The following ARHGAP6 variants were observed in gnomAD, a reference collection of about 807,000 sequenced individuals.
The protein encoded by ARHGAP6 is Rho GTPase activating protein 6, also known as rho GTPase-activating protein 6.
A neutral mutation model predicts 55.7 loss-of-function variants in ARHGAP6; 16 were observed. That is an observed-to-expected ratio of 0.29 (90% CI 0.19 to 0.44). The LOEUF is 0.44. Ranked by LOEUF, ARHGAP6 falls within the 20% of genes least tolerant of loss-of-function variation. The pLI is 1.00. For synonymous variants in ARHGAP6, 382 were observed against 360.9 expected, an observed-to-expected ratio of 1.06 and a Z score of -0.66; for missense variants, 698 against 808.9, an observed-to-expected ratio of 0.86 and a Z score of 1.66.
At chrX:11,468,597 T>C (rs2050318581) in intron 1 of ARHGAP6, among the ~76,000 whole-genome samples, 1 of 112,712 alleles carries the variant, frequency 8.9e-6, no homozygotes, top group South Asian at 3.7e-4. Flanking sequence ...ATGGACATTG[T>C]TGGCAAAAAT....
intron 1 of ARHGAP6, among the ~76,000 whole-genome samples, chrX:11,531,324 G>A (rs2051046878): frequency 1.8e-5 from 2 of 111,785 alleles, no homozygotes; most frequent in African/African-American, 6.5e-5. Flanking sequence ...AGAATGGACA[G>A]AAGTAAGTTT....
chrX:11,220,849 A>G (rs2046959840), intron 2 of ARHGAP6, among the ~76,000 whole-genome samples: 1 of 109,363 alleles, frequency 9.1e-6, no homozygotes, highest in South Asian at 4.2e-4. Flanking sequence ...AATTGGATAA[A>G]GAGTCAAGAC....
chrX:11,361,124 G>A (rs2049004468), intron 1 of ARHGAP6, among the ~76,000 whole-genome samples: 1 of 108,799 alleles, frequency 9.2e-6, no homozygotes, highest in Non-Finnish European at 1.9e-5. Context: ...AGCTACCAAT[G>A]ACTTTCTTCA....
intron 7 of ARHGAP6, 42 bp downstream of exon 7, chrX:11,179,260 G>A (rs1184840057): frequency 8.8e-7 from 1 of 1,132,669 alleles, no homozygotes; most frequent in Non-Finnish European, 1.2e-6. Flanking sequence ...GGACATCTTA[G>A]TATTCCAGGG....
At chrX:11,231,843 A>AACAG (rs2047134197) in intron 2 of ARHGAP6, among the ~76,000 whole-genome samples, 1 of 112,191 alleles carries the variant, frequency 8.9e-6, no homozygotes, top group African/African-American at 3.2e-5. Context: ...TTATTTGTAA[A>AACAG]ACAGTGATGA....
At chrX:11,208,935 T>C (rs2046748231) in intron 2 of ARHGAP6, among the ~76,000 whole-genome samples, 2 of 112,051 alleles carry the variant, frequency 1.8e-5, no homozygotes, top group African/African-American at 6.5e-5. Context: ...ATTAATAATG[T>C]AGCTTAAAAG....
At chrX:11,269,113 TAG>T (rs1394693283) in intron 1 of ARHGAP6, among the ~76,000 whole-genome samples, 1 of 111,553 alleles carries the variant, frequency 9.0e-6, no homozygotes, top group Admixed American at 9.5e-5. Context: ...GAATGACAAA[TAG>T]ACTTATGTTG....
intron 1 of ARHGAP6, among the ~76,000 whole-genome samples, chrX:11,519,353 A>C (rs1435516642): frequency 1.3e-3 from 141 of 109,993 alleles, no homozygotes; most frequent in Non-Finnish European, 3.8e-4. Context: ...GATATCTCAT[A>C]GTGGTTTTGA....
At chrX:11,374,799 G>A (rs1441342305) in intron 1 of ARHGAP6, among the ~76,000 whole-genome samples, 2 of 111,785 alleles carry the variant, frequency 1.8e-5, no homozygotes, top group South Asian at 3.8e-4. Context: ...ATAGCAAGCC[G>A]TTAACAATGG....
chrX:11,577,191 A>G (rs756548148), intron 1 of ARHGAP6, among the ~76,000 whole-genome samples: 12 of 112,659 alleles, frequency 1.1e-4, no homozygotes, highest in Admixed American at 2.8e-4. Context: ...TCCCAGGATT[A>G]GCATGTGAAC....
At chrX:11,559,962 T>TAATAATAATAATAAA (rs1203136404) in intron 1 of ARHGAP6, among the ~76,000 whole-genome samples, 3 of 106,525 alleles carry the variant, frequency 2.8e-5, no homozygotes, top group Non-Finnish European at 3.9e-5. Flanking sequence ...ATAATAATAA[T>TAATAATAATAATAAA]AAAGTAGGAA....
At chrX:11,153,737 T>C (rs911121521) in intron 10 of ARHGAP6, among the ~76,000 whole-genome samples, 3 of 110,530 alleles carry the variant, frequency 2.7e-5, no homozygotes, top group Non-Finnish European at 5.7e-5. Context: ...TAAGTAAGTC[T>C]TCCCCCAGTG....
intron 1 of ARHGAP6, among the ~76,000 whole-genome samples, chrX:11,364,140 G>T (rs934375065): frequency 5.4e-5 from 6 of 110,961 alleles, no homozygotes; most frequent in African/African-American, 2.0e-4. Flanking sequence ...CTTGTAAGTG[G>T]GAGTTAAACA....
intron 1 of ARHGAP6, among the ~76,000 whole-genome samples, chrX:11,272,106 G>A (rs1396656002): frequency 8.9e-6 from 1 of 112,267 alleles, no homozygotes; most frequent in Non-Finnish European, 1.9e-5. Context: ...AGTACTAATT[G>A]CTAAGGTGGC....
chrX:11,346,757 G>GAAAGAA (rs1569308853), intron 1 of ARHGAP6, among the ~76,000 whole-genome samples: 19 of 46,861 alleles, frequency 4.1e-4, no homozygotes, highest in Admixed American at 2.1e-3. Context: ...GAAAGAAAGA[G>GAAAGAA]AGAAAGAAAA....
At chrX:11,517,140 G>A (rs921175577) in intron 1 of ARHGAP6, among the ~76,000 whole-genome samples, 2 of 111,783 alleles carry the variant, frequency 1.8e-5, no homozygotes, top group East Asian at 2.8e-4. Flanking sequence ...AATGTAGGCT[G>A]GGCTCTGCTT....
chrX:11,161,676 T>TAAAC (rs747726941), intron 9 of ARHGAP6, among the ~76,000 whole-genome samples: 2 of 112,458 alleles, frequency 1.8e-5, no homozygotes, highest in East Asian at 5.5e-4. Context: ...ATAAGTAAGT[T>TAAAC]AAACACTTGA....
chrX:11,504,504 G>A (rs908970794), intron 1 of ARHGAP6, among the ~76,000 whole-genome samples: 4 of 111,762 alleles, frequency 3.6e-5, no homozygotes, highest in East Asian at 2.8e-4. Flanking sequence ...TTAAGAATCC[G>A]TCTCTTAACT....
intron 1 of ARHGAP6, among the ~76,000 whole-genome samples, chrX:11,387,272 G>C (rs186492858): frequency 9.0e-6 from 1 of 111,569 alleles, no homozygotes; most frequent in Non-Finnish European, 1.9e-5. Context: ...CACCACCCTC[G>C]ACCACTGAGC....
Sources: gnomAD v4.1 joint callset for allele counts (sites outside exome capture counted in the v4.1 genomes callset) on GRCh38, gnomAD v4.1.1 for gene constraint, MANE v1.5 for transcripts, NCBI Gene and HGNC (gene_info 2026-07-23, HGNC 2026-07-21) for gene names.